The following MIGA1 variants were observed in gnomAD, a reference collection of about 807,000 sequenced individuals.
MIGA1 encodes the protein family with sequence similarity 73, member A.
A neutral mutation model predicts 82.0 loss-of-function variants in MIGA1; 58 were observed. The observed-to-expected ratio is 0.71, with a 90% CI of 0.57 to 0.88. The LOEUF is 0.88. MIGA1 is among the 40% of genes least tolerant of loss of function. The probability of loss-of-function intolerance (pLI) is 0.00; values close to 1 mark genes in which losing one functional copy is unlikely to be tolerated. For synonymous variants in MIGA1, 249 were observed against 253.6 expected (o/e 0.98, Z 0.17); for missense variants, 751 against 749.1 (o/e 1.00, Z -0.03).
At position 77,875,940 on chromosome 1, in the gene MIGA1, C is replaced by A. The variant is rs906583971; in HGVS notation, c.*876C>A. Reference sequence around the variant, plus strand: ...CTGAGGTCAGGTGTTCGAGACCAGCCTCCCCAATATGGTGAAACCCCGTCT... The same window carrying A: ...CTGAGGTCAGGTGTTCGAGACCAGCATCCCCAATATGGTGAAACCCCGTCT... On this transcript the variant is annotated 3_prime_UTR_variant, in exon 16 of 16. Coordinates refer to ENST00000370791, the MANE Select transcript of MIGA1 (RefSeq NM_198549.4). 1 of 152,106 alleles carries A rather than the reference C, an allele frequency of 6.6e-6. No homozygotes were observed. The highest frequency in any genetic ancestry group is 1.5e-5 in the Non-Finnish European group (1 of 68,056). The allele number at this position is 152,106 out of a possible 1,614,324, so 9.4% of individuals were successfully genotyped here. A position where few individuals can be genotyped will look rare whatever the true frequency, so the allele number is the denominator to read the frequency against.
In MIGA1 at chr1:77,783,310, GTGTT is replaced by G. The variant is rs772881780; in HGVS notation, c.157_160del (p.Phe53IlefsTer4). 1.2e-6 allele frequency: 2 copies of G among 1,603,192 alleles called. No homozygotes were observed. The highest frequency in any genetic ancestry group is 1.7e-6 in the Non-Finnish European group (2 of 1,172,560). On this transcript the variant is annotated frameshift_variant, in exon 2 of 16. Coordinates refer to ENST00000370791, the MANE Select transcript of MIGA1 (RefSeq NM_198549.4). LOFTEE classifies it high-confidence loss of function. ...TTCCTTGAAGACAGCAGCGCTAAGA[GTGTT>G]TGATCTTCCTCTGACTTGGTACTAT...
At chr1:77,870,304 G>A (rs1212735347) in intron 14 of MIGA1, among the ~76,000 whole-genome samples, 2 of 114,586 alleles carry the variant, frequency 1.7e-5, no homozygotes, top group African/African-American at 6.4e-5. Flanking sequence ...GCTGCCGGAC[G>A]GAGGGGCTCC....
Position 77,807,057 on chromosome 1 carries a change from T to G in MIGA1, c.593T>G (p.Leu198Arg). The G allele has an allele frequency of 1.9e-6, 3 of 1,591,958 alleles. No individual in the cohort carries two copies. Among genetic ancestry groups the G allele is most frequent in the Non-Finnish European group, 2.6e-6 (3 of 1,160,168 alleles). ...AAAGCAGATGAAGATGATATTAAAC[T>G]TGTTAATATTCCTGTGACTACTCCA... Residue 198 changes from leucine (L) to arginine (R), a missense_variant, in exon 5 of 16, where the codon CTT (leucine) becomes CGT (arginine). This residue lies in a region of MIGA1 where 482 missense variants were observed against 439.4 expected (regional missense o/e 1.10). Coordinates refer to ENST00000370791, the MANE Select transcript of MIGA1 (RefSeq NM_198549.4).
At chr1:77,796,906 C>T (rs189488045) in intron 2 of MIGA1, among the ~76,000 whole-genome samples, 1 of 152,114 alleles carries the variant, frequency 6.6e-6, no homozygotes, top group African/African-American at 2.4e-5. Context: ...ACCACAGCAC[C>T]AAACAGAACA....
intron 8 of MIGA1, chr1:77,847,631 T>C (rs1684894312): frequency 6.5e-7 from 1 of 1,547,870 alleles, no homozygotes; most frequent in Non-Finnish European, 8.9e-7. Context: ...AGAGGGCTGC[T>C]GCGCTGGAAG....
intron 8 of MIGA1, among the ~76,000 whole-genome samples, chr1:77,845,077 T>A (rs576176279): frequency 6.6e-6 from 1 of 152,344 alleles, no homozygotes; most frequent in Admixed American, 6.5e-5. Context: ...TACCTGTACC[T>A]TAAACTTTGG....
chr1:77,855,909 G>T (rs191635500), intron 8 of MIGA1, among the ~76,000 whole-genome samples: 42 of 152,130 alleles, frequency 2.8e-4, no homozygotes, highest in African/African-American at 9.4e-4. Flanking sequence ...GATTGCTCTG[G>T]CTAGGTCTTC....
intron 1 of MIGA1, among the ~76,000 whole-genome samples, chr1:77,782,435 A>T (rs1248068222): frequency 6.6e-6 from 1 of 152,140 alleles, no homozygotes; most frequent in Non-Finnish European, 1.5e-5. Context: ...TATGTACACT[A>T]GATCGTTTAT....
chr1:77,823,136 C>T (rs547648193), intron 7 of MIGA1, among the ~76,000 whole-genome samples: 72 of 151,950 alleles, frequency 4.7e-4, no homozygotes, highest in African/African-American at 1.7e-3. Context: ...CCACCACGCC[C>T]GGCCCAGCAT....
At chr1:77,826,413 G>A (rs559611120) in intron 7 of MIGA1, among the ~76,000 whole-genome samples, 157 of 152,228 alleles carry the variant, frequency 1.0e-3, no homozygotes, top group African/African-American at 3.5e-3. Context: ...CTTGTCATGC[G>A]TAGGAGGAAA....
At chr1:77,854,583 T>C (rs564875972) in intron 8 of MIGA1, among the ~76,000 whole-genome samples, 7 of 152,356 alleles carry the variant, frequency 4.6e-5, no homozygotes, top group South Asian at 2.1e-4. Flanking sequence ...GATTTTTTGA[T>C]TATGGCCATT....
intron 8 of MIGA1, among the ~76,000 whole-genome samples, chr1:77,844,298 ATG>A (rs1345359808): frequency 5.3e-5 from 1 of 18,996 alleles, no homozygotes; most frequent in African/African-American, 7.5e-5. Context: ...AGCTATAAAC[ATG>A]TTTCCAATAA....
rs1646885227 is a variant in MIGA1 at position 77,875,200 on chromosome 1, G to T, written c.*136G>T. ...AGGAAAAAAAAATCTACTAAAAAAT[G>T]AGCAACTGTACTGTATTTATACAGA... is the stretch of plus-strand genomic sequence containing the variant. On this transcript the variant is annotated 3_prime_UTR_variant, in exon 16 of 16. Coordinates refer to ENST00000370791, the MANE Select transcript of MIGA1 (RefSeq NM_198549.4). 1 of 689,414 alleles carries T rather than the reference G, an allele frequency of 1.5e-6. No homozygotes were observed. The highest frequency in any genetic ancestry group is 2.5e-6 in the Non-Finnish European group (1 of 406,044). 42.7% of individuals were successfully genotyped at this position (689,414 alleles called of 1,614,324 possible). A position where few individuals can be genotyped will look rare whatever the true frequency, so the allele number is the denominator to read the frequency against.
chr1:77,871,808 AATC>A (rs918751116), intron 14 of MIGA1, among the ~76,000 whole-genome samples: 3 of 152,178 alleles, frequency 2.0e-5, no homozygotes, highest in African/African-American at 7.2e-5. Context: ...AATTTAGCTT[AATC>A]ATTTTACTAG....
In MIGA1 at chr1:77,779,721, T is replaced by C. The variant is rs778812622; in HGVS notation, c.66T>C (p.Pro22=). Residue 22 remains proline (P), a synonymous_variant, in exon 1 of 16, where the codon CCT becomes CCC. Coordinates refer to ENST00000370791, the MANE Select transcript of MIGA1 (RefSeq NM_198549.4). ...CTGGCGTGGGCAGGCCAGCTGTACCTGGCCTGGAGCTCCAGGTACAGGGCC... is the reference window on the plus strand; with the variant it reads ...CTGGCGTGGGCAGGCCAGCTGTACCCGGCCTGGAGCTCCAGGTACAGGGCC... 1.3e-6 allele frequency: 2 copies of C among 1,501,742 alleles called. No individual in the cohort carries two copies. The highest frequency in any genetic ancestry group is 1.8e-6 in the Non-Finnish European group (2 of 1,116,622). 93.0% of individuals were successfully genotyped at this position (1,501,742 alleles called of 1,614,324 possible). A position where few individuals can be genotyped will look rare whatever the true frequency, so the allele number is the denominator to read the frequency against.
rs1382696366 is a variant in MIGA1 at position 77,879,328 on chromosome 1, ATTGTT to A, written c.*4271_*4275del. Reference sequence around the variant, plus strand: ...TTGTTCCTAATGAGTATATTATGTTATTGTTTTGTTTAGTTTGTGAACAACCATGT... The same window carrying A: ...TTGTTCCTAATGAGTATATTATGTTATTGTTTAGTTTGTGAACAACCATGT... On this transcript the variant is annotated 3_prime_UTR_variant, in exon 16 of 16. Coordinates refer to ENST00000370791, the MANE Select transcript of MIGA1 (RefSeq NM_198549.4). 5 of 152,116 alleles carry A rather than the reference ATTGTT, an allele frequency of 3.3e-5. No individual in the cohort carries two copies. The highest frequency in any genetic ancestry group is 5.9e-5 in the Non-Finnish European group (4 of 67,982). The allele number at this position is 152,116 out of a possible 1,614,324, so 9.4% of individuals were successfully genotyped here. A position where few individuals can be genotyped will look rare whatever the true frequency, so the allele number is the denominator to read the frequency against.
rs923338573 is a variant in MIGA1, at chr1:77,841,580, A to C, written c.896-1727A>C. 5.0e-4 allele frequency among the ~76,000 whole-genome samples: 76 copies of C among 151,044 alleles called. 1 individual carries two copies. The highest frequency in any genetic ancestry group is 1.4e-3 in the African/African-American group (56 of 41,178). On this transcript the variant is annotated intron_variant, in intron 7 of 15. Coordinates refer to ENST00000370791, the MANE Select transcript of MIGA1 (RefSeq NM_198549.4). Reference sequence around the variant, plus strand: ...ATTGATGCTTTGAATAAAAAAAAAAACCCATACTTCCTGGGTAGAGTCACA... The same window carrying C: ...ATTGATGCTTTGAATAAAAAAAAAACCCCATACTTCCTGGGTAGAGTCACA...
intron 8 of MIGA1, chr1:77,847,982 C>A: frequency 2.4e-6 from 3 of 1,230,244 alleles, no homozygotes; most frequent in Admixed American, 3.5e-5. Context: ...CCAAGCACCA[C>A]AGGAATCAAA....
chr1:77,816,685 G>T (rs147530265), intron 7 of MIGA1, among the ~76,000 whole-genome samples: 211 of 152,222 alleles, frequency 1.4e-3, no homozygotes, highest in African/African-American at 4.9e-3. Context: ...ACATAGCTAG[G>T]AGATTACAGT....
Sources: allele counts gnomAD v4.1 joint callset (sites outside exome capture counted in the v4.1 genomes callset), GRCh38; gene constraint gnomAD v4.1.1; regional missense constraint gnomAD v4.1.1; transcripts MANE v1.5; gene names NCBI Gene and HGNC (gene_info 2026-07-23, HGNC 2026-07-21).